The following SV2C variants were observed in gnomAD, a reference collection of about 807,000 sequenced individuals.
SV2C encodes synaptic vesicle glycoprotein 2C.
A neutral mutation model predicts 79.7 loss-of-function variants in SV2C; 49 were observed. The observed-to-expected ratio is 0.61, with a 90% confidence interval of 0.49 to 0.78. The LOEUF (loss-of-function observed/expected upper bound fraction) is 0.78, where lower values mean the gene tolerates loss of function less well. SV2C is among the 30% of genes least tolerant of loss of function. The pLI, the probability that SV2C is intolerant of heterozygous loss-of-function variation, is 0.00. For missense variants in SV2C, 833 were observed against 912.9 expected, an observed-to-expected ratio of 0.91 and a Z score of 1.13; for synonymous variants, 334 against 333.2, an observed-to-expected ratio of 1.00 and a Z score of -0.03.
the SV2C span, among the ~76,000 whole-genome samples, chr5:75,875,677 T>A: frequency 2.0e-5 from 3 of 152,164 alleles, no homozygotes; most frequent in Non-Finnish European, 4.4e-5. Context: ...ACTATGCATC[T>A]GACAAAGGTC....
At chr5:76,050,623 T>C in the SV2C span, among the ~76,000 whole-genome samples, 3 of 152,200 alleles carry the variant, frequency 2.0e-5, no homozygotes, top group Non-Finnish European at 1.5e-5. Context: ...ATAAAGGATC[T>C]ACCACCTTAG....
At chr5:76,082,809 C>A (rs1465483848), upstream of SV2C, among the ~76,000 whole-genome samples, 1 of 152,080 alleles carries the variant, frequency 6.6e-6, no homozygotes, top group Non-Finnish European at 1.5e-5. Flanking sequence ...TGTCTTCCAG[C>A]GTCGGGGTGG....
the SV2C span, among the ~76,000 whole-genome samples, chr5:75,917,306 G>C: frequency 6.6e-6 from 1 of 152,100 alleles, no homozygotes; most frequent in African/African-American, 2.4e-5. Flanking sequence ...TACCTGACAG[G>C]CATGTGTAGC....
chr5:75,879,489 T>C, the SV2C span, among the ~76,000 whole-genome samples: 1 of 152,118 alleles, frequency 6.6e-6, no homozygotes, highest in African/African-American at 2.4e-5. Context: ...CCCAGAAGGG[T>C]AGTCCTTAAG....
At chr5:76,153,531 G>A (rs988068180) in intron 2 of SV2C, among the ~76,000 whole-genome samples, 4 of 152,110 alleles carry the variant, frequency 2.6e-5, no homozygotes, top group African/African-American at 9.7e-5. Flanking sequence ...TTTCAGACTG[G>A]GTGATGGAGT....
the SV2C span, among the ~76,000 whole-genome samples, chr5:76,019,789 G>T: frequency 6.6e-6 from 1 of 152,110 alleles, no homozygotes; most frequent in African/African-American, 2.4e-5. Context: ...GAGAGGGAAG[G>T]GTAAGGAGGG....
At chr5:75,852,139 G>A in the SV2C span, among the ~76,000 whole-genome samples, 1 of 152,054 alleles carries the variant, frequency 6.6e-6, no homozygotes, top group African/African-American at 2.4e-5. Flanking sequence ...ACAGGGAGGG[G>A]AACATCACAC....
the SV2C span, among the ~76,000 whole-genome samples, chr5:75,849,084 A>G: frequency 2.0e-5 from 3 of 152,222 alleles, no homozygotes; most frequent in African/African-American, 7.2e-5. Context: ...GCATGAAAGA[A>G]GTCTCTGAGT....
At chr5:75,925,162 A>G in the SV2C span, among the ~76,000 whole-genome samples, 119 of 152,244 alleles carry the variant, frequency 7.8e-4, no homozygotes, top group African/African-American at 2.7e-3. Flanking sequence ...TAAATCCCCC[A>G]GTCCTGGAGC....
chr5:75,987,646 A>C, the SV2C span, among the ~76,000 whole-genome samples: 3 of 152,058 alleles, frequency 2.0e-5, no homozygotes, highest in Non-Finnish European at 4.4e-5. Flanking sequence ...TCAAAAGTGA[A>C]AACAAAGATT....
the SV2C span, among the ~76,000 whole-genome samples, chr5:75,894,461 A>G: frequency 6.6e-6 from 1 of 152,038 alleles, no homozygotes; most frequent in Non-Finnish European, 1.5e-5. Flanking sequence ...TCATGATGCC[A>G]GTGAAAACCA....
chr5:75,945,953 A>C, the SV2C span, among the ~76,000 whole-genome samples: 1 of 152,092 alleles, frequency 6.6e-6, no homozygotes, highest in South Asian at 2.1e-4. Context: ...AATTTATAGT[A>C]TTAAATGCTT....
intron 4 of SV2C, among the ~76,000 whole-genome samples, chr5:76,212,675 A>G (rs1178348931): frequency 6.6e-6 from 1 of 151,420 alleles, no homozygotes; most frequent in Non-Finnish European, 1.5e-5. Context: ...TAAACACGTA[A>G]CTCACACTGG....
chr5:76,001,627 C>T, the SV2C span, among the ~76,000 whole-genome samples: 1 of 151,916 alleles, frequency 6.6e-6, no homozygotes, highest in African/African-American at 2.4e-5. Context: ...AGAAATGGCT[C>T]CTGGGAAAAA....
intron 4 of SV2C, among the ~76,000 whole-genome samples, chr5:76,254,289 A>C (rs1746206560): frequency 6.6e-6 from 1 of 151,842 alleles, no homozygotes; most frequent in African/African-American, 2.4e-5. Flanking sequence ...AAAAATTTAA[A>C]AATAAATGTA....
the SV2C span, among the ~76,000 whole-genome samples, chr5:75,852,939 A>T: frequency 6.6e-6 from 1 of 152,158 alleles, no homozygotes; most frequent in Non-Finnish European, 1.5e-5. Context: ...GAGGAATGCC[A>T]TAAAAGTAAA....
the SV2C span, chr5:75,910,155 C>T: frequency 2.6e-5 from 8 of 311,016 alleles, no homozygotes; most frequent in East Asian, 3.5e-4. Context: ...ATAGTTTTGT[C>T]ACCAGGTGCA....
At chr5:76,168,116 A>C (rs1743098631) in intron 2 of SV2C, among the ~76,000 whole-genome samples, 2 of 152,080 alleles carry the variant, frequency 1.3e-5, no homozygotes, top group African/African-American at 2.4e-5. Context: ...TTGACCCTAA[A>C]CACAAGCTAC....
the SV2C span, among the ~76,000 whole-genome samples, chr5:75,945,781 G>T: frequency 6.6e-6 from 1 of 151,884 alleles, no homozygotes; most frequent in Admixed American, 6.6e-5. Flanking sequence ...AAGATACCTA[G>T]AAAAATCACT....
Sources: gnomAD v4.1 joint callset for allele counts (sites outside exome capture counted in the v4.1 genomes callset) on GRCh38, gnomAD v4.1.1 for gene constraint, MANE v1.5 for transcripts, NCBI Gene and HGNC (gene_info 2026-07-23, HGNC 2026-07-21) for gene names.